The following RIT2 variants were observed in gnomAD, a reference collection of about 807,000 sequenced individuals.
RIT2 encodes the protein Ras like without CAAX 2, also known as GTP-binding protein Rit2.
In RIT2, 24 loss-of-function variants were observed where a neutral mutation model predicts 23.7. That is an observed-to-expected ratio of 1.01 (90% CI 0.73 to 1.43). RIT2 has a LOEUF of 1.43. Ranked by LOEUF, RIT2 falls within the 40% of genes most tolerant of loss-of-function variation. RIT2 has a pLI of 0.00. For synonymous variants in RIT2, 107 were observed against 91.1 expected, an observed-to-expected ratio of 1.17 and a Z score of -0.99; for missense variants, 236 against 266.9, an observed-to-expected ratio of 0.88 and a Z score of 0.81.
intron 4 of RIT2, among the ~76,000 whole-genome samples, chr18:42,767,701 A>C (rs1274940986): frequency 1.3e-5 from 2 of 152,210 alleles, no homozygotes; most frequent in Non-Finnish European, 2.9e-5. Flanking sequence ...GACCCCACCC[A>C]GATCTCAACT....
At chr18:42,970,249 G>GA (rs150994632) in intron 3 of RIT2, among the ~76,000 whole-genome samples, 3,417 of 151,878 alleles carry the variant, frequency 0.022, 137 homozygotes, top group African/African-American at 0.079. Context: ...CTCATTGTAA[G>GA]AAAAACTCTT....
intron 4 of RIT2, among the ~76,000 whole-genome samples, chr18:42,830,485 G>A (rs925008516): frequency 3.0e-4 from 45 of 152,236 alleles, no homozygotes; most frequent in Middle Eastern, 3.4e-3. Context: ...AATTTTCCAG[G>A]GAGAAAAAGC....
Position 43,047,400 on chromosome 18 carries a change from A to C in RIT2, c.104-13533T>G, listed in dbSNP as rs1027995181. On this transcript the variant is annotated intron_variant, in intron 1 of 4. Transcript: ENST00000326695. ...GAATTAAAAATTAATGCTGTGCTTA[A>C]TCAATAAAGTTTTAGTAAATTTCTG... Among the ~76,000 whole-genome samples, 19 of 152,224 alleles carry C rather than the reference A, an allele frequency of 1.2e-4. 1 individual carries two copies. The highest frequency in any genetic ancestry group is 1.2e-3 in the South Asian group (6 of 4,824).
intron 4 of RIT2, among the ~76,000 whole-genome samples, chr18:42,821,287 C>T (rs544352414): frequency 1.3e-5 from 2 of 152,080 alleles, no homozygotes; most frequent in Non-Finnish European, 2.9e-5. Flanking sequence ...TGATGTAGCA[C>T]GATGAGAAGA....
At chr18:42,806,584 C>G (rs1318472941) in intron 4 of RIT2, among the ~76,000 whole-genome samples, 1 of 152,176 alleles carries the variant, frequency 6.6e-6, no homozygotes, top group Non-Finnish European at 1.5e-5. Flanking sequence ...TTGATTTGTG[C>G]TAACGGGCCA....
At chr18:42,806,657 A>G (rs991871930) in intron 4 of RIT2, among the ~76,000 whole-genome samples, 1 of 152,212 alleles carries the variant, frequency 6.6e-6, no homozygotes, top group African/African-American at 2.4e-5. Context: ...GAAATAAGCT[A>G]GTAGCAAGTT....
At chr18:42,892,435 A>G (rs1316750214) in intron 4 of RIT2, among the ~76,000 whole-genome samples, 2 of 152,068 alleles carry the variant, frequency 1.3e-5, no homozygotes, top group Non-Finnish European at 2.9e-5. Context: ...AAAATAATAA[A>G]CTCTGTTCTC....
chr18:42,950,584 A>G (rs1909827164), intron 3 of RIT2, among the ~76,000 whole-genome samples: 1 of 152,124 alleles, frequency 6.6e-6, no homozygotes, highest in Non-Finnish European at 1.5e-5. Context: ...CGCAAAAGAA[A>G]CTTTCAATAG....
At chr18:42,845,242 G>C (rs376443658) in intron 4 of RIT2, among the ~76,000 whole-genome samples, 7 of 151,990 alleles carry the variant, frequency 4.6e-5, no homozygotes, top group African/African-American at 1.4e-4. Flanking sequence ...AACTCAATGG[G>C]GTAGTAAAAA....
intron 4 of RIT2, among the ~76,000 whole-genome samples, chr18:42,785,451 T>C (rs1375750926): frequency 2.0e-5 from 3 of 150,436 alleles, no homozygotes; most frequent in Admixed American, 6.7e-5. Context: ...GGCCTCTCTT[T>C]TTTTTTTTTA....
At position 42,743,528 on chromosome 18, in the gene RIT2, C is replaced by A. The variant is rs190327842; in HGVS notation, c.619G>T (p.Gly207Cys). The A allele has an allele frequency of 6.2e-7, 1 of 1,613,852 alleles. No homozygotes were observed. Among genetic ancestry groups the A allele is most frequent in the East Asian group, 2.2e-5 (1 of 44,856 alleles). ...TTTTCTCTCTTCTTCTTCAAAGAACCTTTGAGCTTCTTCCACAGGCTGTCT... is the reference window on the plus strand; with the variant it reads ...TTTTCTCTCTTCTTCTTCAAAGAACATTTGAGCTTCTTCCACAGGCTGTCT... ...RKDSLWKKLK[G>C]SLKKKRENMT Residue 207 changes from glycine (G) to cysteine (C), a missense_variant, in exon 5 of 5, where the codon GGT becomes TGT. By Grantham distance (159) the Gly-to-Cys change is radical. Transcript: ENST00000326695.
chr18:42,808,276 A>G (rs1905740919), intron 4 of RIT2, among the ~76,000 whole-genome samples: 1 of 152,192 alleles, frequency 6.6e-6, no homozygotes, highest in African/African-American at 2.4e-5. Context: ...TATTTACCAT[A>G]CTCAGAGGTC....
chr18:42,912,561 C>A (rs190059832), intron 4 of RIT2, among the ~76,000 whole-genome samples: 5 of 152,038 alleles, frequency 3.3e-5, no homozygotes, highest in Admixed American at 2.6e-4. Flanking sequence ...TAATAAGTTT[C>A]TCTCGTGTTC....
chr18:43,077,479 C>G (rs931577714), intron 1 of RIT2, among the ~76,000 whole-genome samples: 2 of 152,006 alleles, frequency 1.3e-5, no homozygotes, highest in Non-Finnish European at 2.9e-5. Context: ...GGAAAAACAT[C>G]TTCATGTTGA....
At chr18:42,792,437 CA>C (rs1914064456) in intron 4 of RIT2, among the ~76,000 whole-genome samples, 1 of 152,192 alleles carries the variant, frequency 6.6e-6, no homozygotes, top group African/African-American at 2.4e-5. Flanking sequence ...AGGCTCAACT[CA>C]CAATTCCATT....
intron 3 of RIT2, among the ~76,000 whole-genome samples, chr18:42,971,463 T>C (rs1910359546): frequency 6.6e-6 from 1 of 152,058 alleles, no homozygotes; most frequent in Non-Finnish European, 1.5e-5. Context: ...TTCAGATTTA[T>C]CTCTCATCAC....
chr18:43,081,787 T>C (rs1207297212), intron 1 of RIT2, among the ~76,000 whole-genome samples: 3 of 152,196 alleles, frequency 2.0e-5, no homozygotes, highest in Non-Finnish European at 4.4e-5. Context: ...TGTTTAATTA[T>C]GTTCAGAAAC....
intron 1 of RIT2, among the ~76,000 whole-genome samples, chr18:43,034,583 T>G (rs1911933045): frequency 6.6e-6 from 1 of 152,148 alleles, no homozygotes; most frequent in Non-Finnish European, 1.5e-5. Context: ...AAATAGTGTA[T>G]AATAGCTCTT....
At chr18:42,880,003 T>C (rs970901926) in intron 4 of RIT2, among the ~76,000 whole-genome samples, 40 of 152,304 alleles carry the variant, frequency 2.6e-4, no homozygotes, top group African/African-American at 9.4e-4. Flanking sequence ...GGCTAGCTTG[T>C]AATATATAGT....
Sources: gnomAD v4.1 joint callset for allele counts (sites outside exome capture counted in the v4.1 genomes callset) on GRCh38, gnomAD v4.1.1 for gene constraint, MANE v1.5 for transcripts, NCBI Gene and HGNC (gene_info 2026-07-23, HGNC 2026-07-21) for gene names.